Variants in PCBP1 observed in about 807,000 individuals in gnomAD.
PCBP1 encodes poly(rC)-binding protein 1.
For missense variants in PCBP1, 244 were observed against 474.4 expected (o/e 0.51, Z 4.51); for synonymous variants, 284 against 195.8 (o/e 1.45, Z -3.76).
Position 70,088,505 on chromosome 2 carries a change from G to A in PCBP1, c.762G>A (p.Gly254=), listed in dbSNP as rs1292883352. Residue 254 remains glycine (G), a synonymous_variant, in exon 1 of 1, where the codon GGG becomes GGA. Coordinates refer to ENST00000303577, the MANE Select transcript of PCBP1 (RefSeq NM_006196.4). The surrounding 1 kb of genome is among the most constrained non-coding windows in gnomAD (Gnocchi z 4.5). ...QQSHFAMMHG[G]TGFAGIDSSS... is the part of the protein sequence containing the mutation. ...CTCACTTTGCCATGATGCACGGCGGGACCGGATTCGCCGGAATTGACTCCA... is the reference window on the plus strand; with the variant it reads ...CTCACTTTGCCATGATGCACGGCGGAACCGGATTCGCCGGAATTGACTCCA... 1.2e-6 allele frequency: 2 copies of A among 1,614,144 alleles called. No individual in the cohort carries two copies. The highest frequency in any genetic ancestry group is 1.7e-6 in the Non-Finnish European group (2 of 1,180,050).
At position 70,088,328 on chromosome 2, in the gene PCBP1, G is replaced by A; in HGVS notation, c.585G>A (p.Ala195=). 6.2e-7 allele frequency: 1 copy of A among 1,613,832 alleles called. No individual in the cohort carries two copies. Among genetic ancestry groups the A allele is most frequent in the East Asian group, 2.2e-5 (1 of 44,878 alleles). Residue 195 remains alanine, a synonymous_variant, in exon 1 of 1, where the codon GCG becomes GCA. Transcript: ENST00000303577. This position sits in a 1 kb window ranked among gnomAD's most constrained non-coding sequence, Gnocchi z 4.5. ...PMPASSPVIC[A]GGQDRCSDAA... ...CGGCCAGCTCCCCAGTCATCTGCGC[G>A]GGCGGCCAAGATCGGTGCAGCGACG...
Position 70,087,715 on chromosome 2 carries a change from A to G in PCBP1, c.-29A>G, listed in dbSNP as rs776976460. ...AAGACTTGACCACGTAACGAGCCCA[A>G]CTCCCCCGAACGCCGCCCGCCGCTC... On this transcript the variant is annotated 5_prime_UTR_variant, in exon 1 of 1. Coordinates refer to ENST00000303577, the MANE Select transcript of PCBP1 (RefSeq NM_006196.4). The G allele has an allele frequency of 5.5e-6, 8 of 1,451,408 alleles. No individual in the cohort carries two copies. Among genetic ancestry groups the G allele is most frequent in the African/African-American group, 4.4e-5 (3 of 68,920 alleles). The allele number at this position is 1,451,408 out of a possible 1,614,324, so 89.9% of individuals were successfully genotyped here. A position where few individuals can be genotyped will look rare whatever the true frequency, so the allele number is the denominator to read the frequency against.
rs1291572286 is a variant in PCBP1 at position 70,088,461 on chromosome 2, C to G, written c.718C>G (p.Gln240Glu). The G allele has an allele frequency of 6.2e-7, 1 of 1,614,244 alleles. No individual in the cohort carries two copies. The highest frequency in any genetic ancestry group is 8.5e-7 in the Non-Finnish European group (1 of 1,180,042). Residue 240 changes from glutamine to glutamate, a missense_variant, in exon 1 of 1, where the codon CAG becomes GAG. Gln to Glu is a conservative substitution (Grantham distance 29). Coordinates refer to ENST00000303577, the MANE Select transcript of PCBP1 (RefSeq NM_006196.4). The surrounding 1 kb of genome is among the most constrained non-coding windows in gnomAD (Gnocchi z 4.5). ...TCCGCTCGATCTGGCCAAGCTGAAC[C>G]AGGTGGCAAGACAACAGTCTCACTT... ...ISPLDLAKLN[Q>E]VARQQSHFAM...
In PCBP1 at chr2:70,087,914, A is replaced by G. The variant is rs1236859520; in HGVS notation, c.171A>G (p.Arg57=). ...INISEGNCPE[R]IITLTGPTNA... Reference sequence around the variant, plus strand: ...TCTCGGAGGGGAATTGTCCGGAGAGAATCATCACTCTGACCGGCCCCACCA... The same window carrying G: ...TCTCGGAGGGGAATTGTCCGGAGAGGATCATCACTCTGACCGGCCCCACCA... The change falls in exon 1 of 1, where the codon AGA becomes AGG. Residue 57 remains arginine (R), a synonymous_variant. Transcript: ENST00000303577. 6.2e-7 allele frequency: 1 copy of G among 1,611,492 alleles called. No individual in the cohort carries two copies. The highest frequency in any genetic ancestry group is 8.5e-7 in the Non-Finnish European group (1 of 1,178,214).
At position 70,088,968 on chromosome 2, in the gene PCBP1, C is replaced by T; in HGVS notation, c.*154C>T. ...GCTAAGAATTTAAAAATCACATTCTCTGTTCAGCTGTTAATGCTGGGATCC... is the reference window on the plus strand; with the variant it reads ...GCTAAGAATTTAAAAATCACATTCTTTGTTCAGCTGTTAATGCTGGGATCC... On this transcript the variant is annotated 3_prime_UTR_variant, in exon 1 of 1. Coordinates refer to ENST00000303577, the MANE Select transcript of PCBP1 (RefSeq NM_006196.4). The surrounding 1 kb of genome is among the most constrained non-coding windows in gnomAD (Gnocchi z 4.5). The T allele has an allele frequency of 1.7e-6, 1 of 595,528 alleles. No homozygotes were observed. Among genetic ancestry groups the T allele is most frequent in the Non-Finnish European group, 3.0e-6 (1 of 336,922 alleles). The allele number at this position is 595,528 out of a possible 1,614,324, so 36.9% of individuals were successfully genotyped here.
rs1467032498 is a variant in PCBP1, at chr2:70,087,514, G to T, written c.-230G>T. On this transcript the variant is annotated 5_prime_UTR_variant, in exon 1 of 1. Coordinates refer to ENST00000303577, the MANE Select transcript of PCBP1 (RefSeq NM_006196.4). ...CTGCCGCCGGAGTCGCCACCGCCGC[G>T]CCCTCGCCCACCCGCCCGCCCGCCG... 11 of 144,480 alleles carry T rather than the reference G, an allele frequency of 7.6e-5. No individual in the cohort carries two copies. Among genetic ancestry groups the T allele is most frequent in the Admixed American group, 7.6e-4 (11 of 14,492 alleles). The allele number at this position is 144,480 out of a possible 1,614,324, so 8.9% of individuals were successfully genotyped here.
Position 70,087,725 on chromosome 2 carries a change from A to ACGCCGCC in PCBP1, c.-12_-6dup, listed in dbSNP as rs757841849. ...CACGTAACGAGCCCAACTCCCCCGA[A>ACGCCGCC]CGCCGCCCGCCGCTCGCCATGGATG... On this transcript the variant is annotated 5_prime_UTR_variant, in exon 1 of 1. Coordinates refer to ENST00000303577, the MANE Select transcript of PCBP1 (RefSeq NM_006196.4). 1.9e-5 allele frequency: 29 copies of ACGCCGCC among 1,505,658 alleles called. No homozygotes were observed. The highest frequency in any genetic ancestry group is 9.2e-5 in the East Asian group (4 of 43,566). The allele number at this position is 1,505,658 out of a possible 1,614,324, so 93.3% of individuals were successfully genotyped here.
chr2:70,088,417 A>G lies in PCBP1; in HGVS notation c.674A>G (p.Gln225Arg). 3.1e-6 allele frequency: 5 copies of G among 1,614,126 alleles called. No individual in the cohort carries two copies. The highest frequency in any genetic ancestry group is 4.2e-6 in the Non-Finnish European group (5 of 1,180,032). The change falls in exon 1 of 1, where the codon CAA becomes CGA. Residue 225 changes from glutamine to arginine, a missense_variant. Gln to Arg is a conservative substitution (Grantham distance 43, BLOSUM62 1). Coordinates refer to ENST00000303577, the MANE Select transcript of PCBP1 (RefSeq NM_006196.4). This position sits in a 1 kb window ranked among gnomAD's most constrained non-coding sequence, Gnocchi z 4.5. Reference protein sequence around the residue: ...EGPPLDAYSIQGQHTISPLDL... With the variant: ...EGPPLDAYSIRGQHTISPLDL... ...CCACCTCTAGATGCCTACTCGATTC[A>G]AGGACAACACACCATTTCTCCGCTC...
Position 70,088,002 on chromosome 2 carries a change from A to G in PCBP1, c.259A>G (p.Met87Val). Residue 87 changes from methionine (M) to valine (V), a missense_variant, in exon 1 of 1, where the codon ATG (methionine) becomes GTG (valine). By Grantham distance (21) the Met-to-Val change is conservative (BLOSUM62 1). Transcript: ENST00000303577. This position sits in a 1 kb window ranked among gnomAD's most constrained non-coding sequence, Gnocchi z 4.5. ...GCTGGAGGAAGATATCAACAGCTCCATGACCAACAGTACCGCGGCCAGCAG... is the reference window on the plus strand; with the variant it reads ...GCTGGAGGAAGATATCAACAGCTCCGTGACCAACAGTACCGCGGCCAGCAG... ...DKLEEDINSS[M>V]TNSTAASRPP... 1 of 1,613,846 alleles carries G rather than the reference A, an allele frequency of 6.2e-7. No individual in the cohort carries two copies. Among genetic ancestry groups the G allele is most frequent in the Non-Finnish European group, 8.5e-7 (1 of 1,180,004 alleles).
rs749754855 is a variant in PCBP1, at chr2:70,087,944, C to A, written c.201C>A (p.Ala67=). ...RIITLTGPTN[A]IFKAFAMIID... ...TCACTCTGACCGGCCCCACCAATGC[C>A]ATCTTTAAGGCTTTCGCTATGATCA... Residue 67 remains alanine, a synonymous_variant, in exon 1 of 1, where the codon GCC becomes GCA. Transcript: ENST00000303577. 3 of 1,612,260 alleles carry A rather than the reference C, an allele frequency of 1.9e-6. No homozygotes were observed. In the East Asian group the frequency reaches 6.7e-5, roughly 36 times the overall value.
Position 70,088,825 on chromosome 2 carries a change from G to T in PCBP1, c.*11G>T, listed in dbSNP as rs1192226334. On this transcript the variant is annotated 3_prime_UTR_variant, in exon 1 of 1. Coordinates refer to ENST00000303577, the MANE Select transcript of PCBP1 (RefSeq NM_006196.4). This position sits in a 1 kb window ranked among gnomAD's most constrained non-coding sequence, Gnocchi z 4.5. Reference sequence around the variant, plus strand: ...ATGGGGTGCAGCTAGAACAGTGTAGGTTCCCTCAATAACCCCTTTCTGCTG... The same window carrying T: ...ATGGGGTGCAGCTAGAACAGTGTAGTTTCCCTCAATAACCCCTTTCTGCTG... 5.7e-6 allele frequency: 9 copies of T among 1,580,540 alleles called. No individual in the cohort carries two copies. In the East Asian group the frequency reaches 6.8e-5, roughly 12 times the overall value.
rs1671374714 is a variant in PCBP1 at position 70,088,489 on chromosome 2, C to T, written c.746C>T (p.Ala249Val). ...GTGGCAAGACAACAGTCTCACTTTG[C>T]CATGATGCACGGCGGGACCGGATTC... ...NQVARQQSHF[A>V]MMHGGTGFAG... The change falls in exon 1 of 1, where the codon GCC becomes GTC. Residue 249 changes from alanine (A) to valine (V), a missense_variant. Physicochemically the swap from Ala to Val is moderately conservative, Grantham distance 64 (BLOSUM62 0). Coordinates refer to ENST00000303577, the MANE Select transcript of PCBP1 (RefSeq NM_006196.4). This position sits in a 1 kb window ranked among gnomAD's most constrained non-coding sequence, Gnocchi z 4.5. 1 of 1,614,146 alleles carries T rather than the reference C, an allele frequency of 6.2e-7. No homozygotes were observed. The highest frequency in any genetic ancestry group is 1.7e-5 in the Admixed American group (1 of 60,016).
Position 70,087,637 on chromosome 2 carries a change from G to T in PCBP1, c.-107G>T, listed in dbSNP as rs1572928902. The T allele has an allele frequency of 1.2e-5, 8 of 641,126 alleles. No individual in the cohort carries two copies. In the East Asian group the frequency reaches 2.4e-4, roughly 19 times the overall value. The allele number at this position is 641,126 out of a possible 1,614,324, so 39.7% of individuals were successfully genotyped here. On this transcript the variant is annotated 5_prime_UTR_variant, in exon 1 of 1. Transcript: ENST00000303577. ...CCGCTCGCTCCCGCGGCCCTCGCTC[G>T]CCTCGCGCCGGCAGTTTTGGGCCTA... is the stretch of plus-strand genomic sequence containing the variant.
chr2:70,088,538 A>T lies in PCBP1; in HGVS notation c.795A>T (p.Pro265=). The T allele has an allele frequency of 6.2e-7, 1 of 1,614,268 alleles. No homozygotes were observed. Among genetic ancestry groups the T allele is most frequent in the Non-Finnish European group, 8.5e-7 (1 of 1,180,046 alleles). The part of the protein sequence containing the change: ...TGFAGIDSSS[P]EVKGYWASLD... The stretch of plus-strand genomic sequence containing the variant: ...TCGCCGGAATTGACTCCAGCTCTCC[A>T]GAGGTGAAAGGCTATTGGGCAAGTT... The change falls in exon 1 of 1, where the codon CCA becomes CCT. Residue 265 remains proline, a synonymous_variant. Coordinates refer to ENST00000303577, the MANE Select transcript of PCBP1 (RefSeq NM_006196.4). This position sits in a 1 kb window ranked among gnomAD's most constrained non-coding sequence, Gnocchi z 4.5.
At position 70,088,084 on chromosome 2, in the gene PCBP1, G is replaced by A; in HGVS notation, c.341G>A (p.Gly114Glu). 6.2e-7 allele frequency: 1 copy of A among 1,613,814 alleles called. No homozygotes were observed. The highest frequency in any genetic ancestry group is 1.1e-5 in the South Asian group (1 of 91,078). ...GCCACCCAGTGCGGCTCCCTGATTGGGAAAGGCGGGTGTAAGATCAAAGAG... is the reference window on the plus strand; with the variant it reads ...GCCACCCAGTGCGGCTCCCTGATTGAGAAAGGCGGGTGTAAGATCAAAGAG... ...VPATQCGSLIGKGGCKIKEIR... is the reference protein window; with the variant it reads ...VPATQCGSLIEKGGCKIKEIR... Residue 114 changes from glycine (G) to glutamate (E), a missense_variant, in exon 1 of 1, where the codon GGG becomes GAG. Gly to Glu is a moderately conservative substitution (Grantham distance 98). Coordinates refer to ENST00000303577, the MANE Select transcript of PCBP1 (RefSeq NM_006196.4). The surrounding 1 kb of genome is among the most constrained non-coding windows in gnomAD (Gnocchi z 4.5).
Position 70,088,905 on chromosome 2 carries a change from A to AT in PCBP1, c.*94dup, listed in dbSNP as rs1307942340. ...GGTCAGTGATTCCAGGTTTTAAATA[A>AT]TTTGTAAGTGTTCAGTTTCTACACA... On this transcript the variant is annotated 3_prime_UTR_variant, in exon 1 of 1. Coordinates refer to ENST00000303577, the MANE Select transcript of PCBP1 (RefSeq NM_006196.4). The surrounding 1 kb of genome is among the most constrained non-coding windows in gnomAD (Gnocchi z 4.5). 483 of 892,012 alleles carry AT rather than the reference A, an allele frequency of 5.4e-4. 1 individual carries two copies. The highest frequency in any genetic ancestry group is 1.8e-4 in the Non-Finnish European group (108 of 588,244). 55.3% of individuals were successfully genotyped at this position (892,012 alleles called of 1,614,324 possible). A position where few individuals can be genotyped will look rare whatever the true frequency, so the allele number is the denominator to read the frequency against.
chr2:70,088,211 C>G lies in PCBP1; in HGVS notation c.468C>G (p.Thr156=). The G allele has an allele frequency of 1.2e-6, 2 of 1,613,970 alleles. No homozygotes were observed. Among genetic ancestry groups the G allele is most frequent in the East Asian group, 2.2e-5 (1 of 44,876 alleles). ...ITIAGVPQSV[T]ECVKQICLVM... ...TCGCTGGCGTGCCGCAGTCTGTCAC[C>G]GAGTGTGTCAAGCAGATTTGCCTGG... Residue 156 remains threonine (T), a synonymous_variant, in exon 1 of 1, where the codon ACC becomes ACG. Coordinates refer to ENST00000303577, the MANE Select transcript of PCBP1 (RefSeq NM_006196.4). The surrounding 1 kb of genome is among the most constrained non-coding windows in gnomAD (Gnocchi z 4.5).
Position 70,088,067 on chromosome 2 carries a change from G to A in PCBP1, c.324G>A (p.Gln108=). 6.2e-7 allele frequency: 1 copy of A among 1,613,686 alleles called. No homozygotes were observed. The highest frequency in any genetic ancestry group is 8.5e-7 in the Non-Finnish European group (1 of 1,180,004). The change falls in exon 1 of 1, where the codon CAG becomes CAA. Residue 108 remains glutamine (Q), a synonymous_variant. Transcript: ENST00000303577. The surrounding 1 kb of genome is among the most constrained non-coding windows in gnomAD (Gnocchi z 4.5). ...TGAGGCTGGTGGTGCCGGCCACCCA[G>A]TGCGGCTCCCTGATTGGGAAAGGCG... is the stretch of plus-strand genomic sequence containing the variant. ...VTLRLVVPAT[Q]CGSLIGKGGC... is the part of the protein sequence containing the mutation.
At position 70,087,685 on chromosome 2, in the gene PCBP1, C is replaced by T; in HGVS notation, c.-59C>T. ...CTACACCTCCCCTCCCCCCGCCAGC[C>T]GCCAAAGACTTGACCACGTAACGAG... On this transcript the variant is annotated 5_prime_UTR_variant, in exon 1 of 1. Transcript: ENST00000303577. 2 of 1,199,148 alleles carry T rather than the reference C, an allele frequency of 1.7e-6. No individual in the cohort carries two copies. The highest frequency in any genetic ancestry group is 1.2e-6 in the Non-Finnish European group (1 of 851,458). 74.3% of individuals were successfully genotyped at this position (1,199,148 alleles called of 1,614,324 possible).
Sources: allele counts gnomAD v4.1 joint callset, GRCh38; gene constraint gnomAD v4.1.1; non-coding constraint Gnocchi (gnomAD v3.1); transcripts MANE v1.5; gene names NCBI Gene and HGNC (gene_info 2026-07-23, HGNC 2026-07-21).